The following PDZD2 variants were observed in gnomAD, a reference collection of about 807,000 sequenced individuals.
PDZD2 encodes PDZ domain-containing protein 2.
A neutral mutation model predicts 220.7 loss-of-function variants in PDZD2; 90 were observed. The observed-to-expected ratio is 0.41, with a 90% CI of 0.34 to 0.49. The LOEUF is 0.49. Ranked by LOEUF, PDZD2 falls within the 20% of genes least tolerant of loss-of-function variation. The pLI is 0.28. For missense variants in PDZD2, 3,174 were observed against 3,608.5 expected (o/e 0.88, Z 3.08); for synonymous variants, 1,375 against 1,450.5 (o/e 0.95, Z 1.18).
At chr5:32,003,334 CCACACCACA>C (rs1752492362) in intron 5 of PDZD2, among the ~76,000 whole-genome samples, 1 of 16,522 alleles carries the variant, frequency 6.1e-5, no homozygotes. Context: ...CACACCCCCA[CCACACCACA>C]CACACACCAC....
At position 31,661,951 on chromosome 5, in the gene PDZD2, G is replaced by A. The variant is rs542653253; in HGVS notation, c.-361+22514G>A. Among the ~76,000 whole-genome samples, 9 of 152,260 alleles carry A rather than the reference G, an allele frequency of 5.9e-5. No homozygotes were observed. The South Asian group carries it at 1.7e-3, about 28-fold the overall frequency. On this transcript the variant is annotated intron_variant, in intron 1 of 24. Transcript: ENST00000438447. ...CTGTAGTCCAGACACGTCATCCTGG[G>A]TGAGGTAGCTGGCCTCTTGAGGTCC...
Position 32,083,256 on chromosome 5 carries a change from C to T in PDZD2, c.3683-3875C>T, listed in dbSNP as rs1742133804. Among the ~76,000 whole-genome samples the T allele has an allele frequency of 6.6e-6, 1 of 151,692 alleles. No individual in the cohort carries two copies. Among genetic ancestry groups the T allele is most frequent in the African/African-American group, 2.4e-5 (1 of 41,294 alleles). Reference sequence around the variant, plus strand: ...AGTACCTAACAACCTTTTTAAACCTCATACATCCACACGAAATAATATTTG... The same window carrying T: ...AGTACCTAACAACCTTTTTAAACCTTATACATCCACACGAAATAATATTTG... On this transcript the variant is annotated intron_variant, in intron 19 of 24. Transcript: ENST00000438447. The surrounding 1 kb of genome is among the most constrained non-coding windows in gnomAD (Gnocchi z 4.1).
At chr5:31,707,453 G>A (rs1301162928) in intron 1 of PDZD2, among the ~76,000 whole-genome samples, 3 of 152,106 alleles carry the variant, frequency 2.0e-5, no homozygotes, top group Non-Finnish European at 4.4e-5. Context: ...AGGAGGAGCC[G>A]CCTCACCAGA....
intron 14 of PDZD2, among the ~76,000 whole-genome samples, chr5:32,065,065 C>T (rs1407774826): frequency 6.6e-6 from 1 of 152,050 alleles, no homozygotes; most frequent in Admixed American, 6.6e-5. Flanking sequence ...TTTAGGAGGC[C>T]GAGGTGGGCA....
At chr5:31,669,423 A>G (rs1234403039) in intron 1 of PDZD2, among the ~76,000 whole-genome samples, 4 of 143,158 alleles carry the variant, frequency 2.8e-5, no homozygotes, top group Non-Finnish European at 4.6e-5. Context: ...AAAAAAAAAA[A>G]TAAGATCTAT....
intron 1 of PDZD2, among the ~76,000 whole-genome samples, chr5:31,783,494 TTTC>T (rs1334081640): frequency 6.6e-6 from 1 of 152,200 alleles, no homozygotes; most frequent in East Asian, 1.9e-4. Context: ...CTTCGGTTAT[TTTC>T]ACATAGTTTC....
At chr5:31,797,186 G>A (rs1348569661) in intron 1 of PDZD2, among the ~76,000 whole-genome samples, 2 of 132,576 alleles carry the variant, frequency 1.5e-5, no homozygotes, top group South Asian at 2.5e-4. Context: ...CTTGTGATCC[G>A]CCCGCCTCGG....
intron 1 of PDZD2, among the ~76,000 whole-genome samples, chr5:31,675,453 C>T (rs968546143): frequency 2.0e-5 from 3 of 152,166 alleles, no homozygotes; most frequent in African/African-American, 7.2e-5. Context: ...GCCCTGTCTG[C>T]GTTGGCTGCC....
At chr5:31,648,861 A>G (rs1745231932) in intron 1 of PDZD2, among the ~76,000 whole-genome samples, 2 of 152,078 alleles carry the variant, frequency 1.3e-5, no homozygotes, top group East Asian at 3.9e-4. Context: ...TCGAGTCCAT[A>G]GTTTACCTTA....
At chr5:31,792,171 A>AAACT (rs1753766059) in intron 1 of PDZD2, among the ~76,000 whole-genome samples, 1 of 152,216 alleles carries the variant, frequency 6.6e-6, no homozygotes. Flanking sequence ...CTTCTGACAC[A>AAACT]AACTACATGT....
At chr5:31,644,634 A>G (rs1322463786) in intron 1 of PDZD2, among the ~76,000 whole-genome samples, 4 of 152,216 alleles carry the variant, frequency 2.6e-5, no homozygotes, top group Non-Finnish European at 5.9e-5. Flanking sequence ...CTCCAATGCC[A>G]GTAGTGTGTT....
chr5:31,915,844 C>T (rs1412534613), intron 2 of PDZD2, among the ~76,000 whole-genome samples: 9 of 152,146 alleles, frequency 5.9e-5, no homozygotes, highest in East Asian at 1.9e-4. Flanking sequence ...GAAAAACTTC[C>T]TTTTTACAGT....
chr5:32,094,942 C>T (rs1387666289), intron 21 of PDZD2, among the ~76,000 whole-genome samples: 3 of 152,176 alleles, frequency 2.0e-5, no homozygotes, highest in Admixed American at 2.0e-4. Flanking sequence ...GGAATAGCCC[C>T]TCATCTCTCT....
chr5:31,756,431 G>GA (rs1751311825), intron 1 of PDZD2, among the ~76,000 whole-genome samples: 1 of 152,178 alleles, frequency 6.6e-6, no homozygotes, highest in Non-Finnish European at 1.5e-5. Context: ...TAAATAAAAG[G>GA]AAGGGATAGA....
At chr5:31,918,615 G>C (rs552991152) in intron 2 of PDZD2, among the ~76,000 whole-genome samples, 120 of 152,166 alleles carry the variant, frequency 7.9e-4, no homozygotes, top group African/African-American at 2.8e-3. Flanking sequence ...TTGATTTTTA[G>C]GGTAGCCTTA....
chr5:32,051,950 G>C (rs1000085287), intron 8 of PDZD2, among the ~76,000 whole-genome samples: 2 of 152,156 alleles, frequency 1.3e-5, no homozygotes, highest in Non-Finnish European at 2.9e-5. Flanking sequence ...AGGCAGGGGT[G>C]ACTACCAAGG....
rs779790406 is a variant in PDZD2, at chr5:32,090,599, A to T, written c.7151A>T (p.His2384Leu). The T allele has an allele frequency of 2.5e-6, 4 of 1,613,902 alleles. No individual in the cohort carries two copies. The highest frequency in any genetic ancestry group is 2.5e-6 in the Non-Finnish European group (3 of 1,180,004). Residue 2384 changes from histidine to leucine, a missense_variant, in exon 20 of 25, where the codon CAC (histidine) becomes CTC (leucine). Transcript: ENST00000438447. This position sits in a 1 kb window ranked among gnomAD's most constrained non-coding sequence, Gnocchi z 4.3. ...SGSIVSGSLGHPGDAAARLLR... is the reference protein window; with the variant it reads ...SGSIVSGSLGLPGDAAARLLR... ...AGCATTGTTTCCGGGAGCCTGGGCC[A>T]CCCAGGTGACGCAGCAGCAAGGTTG...
intron 2 of PDZD2, among the ~76,000 whole-genome samples, chr5:31,940,751 C>T (rs1746142238): frequency 6.6e-6 from 1 of 152,142 alleles, no homozygotes; most frequent in South Asian, 2.1e-4. Flanking sequence ...GAGGAAGGCA[C>T]GAAGTGGCCC....
chr5:31,676,887 A>G (rs1746449941), intron 1 of PDZD2, among the ~76,000 whole-genome samples: 1 of 151,978 alleles, frequency 6.6e-6, no homozygotes, highest in Admixed American at 6.6e-5. Flanking sequence ...CGTCTAAGGC[A>G]TACGGCTTCC....
Sources: allele counts gnomAD v4.1 joint callset (sites outside exome capture counted in the v4.1 genomes callset), GRCh38; gene constraint gnomAD v4.1.1; non-coding constraint Gnocchi (gnomAD v3.1); transcripts MANE v1.5; gene names NCBI Gene and HGNC (gene_info 2026-07-23, HGNC 2026-07-21).